Variants in DNAAF9 observed in about 807,000 individuals in gnomAD.
DNAAF9 encodes dynein axonemal assembly factor 9, also known as shulin.
DNAAF9 carries 90 observed loss-of-function variants against 167.0 expected under a neutral mutation model. The observed-to-expected ratio is 0.54, with a 90% CI of 0.45 to 0.64. The LOEUF (loss-of-function observed/expected upper bound fraction) is 0.64, where lower values mean the gene tolerates loss of function less well. DNAAF9 is among the 30% of genes least tolerant of loss of function. DNAAF9 has a pLI of 0.00. For missense variants in DNAAF9, 1,315 were observed against 1,442.2 expected (o/e 0.91, Z 1.43); for synonymous variants, 491 against 508.8 (o/e 0.96, Z 0.47).
intron 1 of DNAAF9, among the ~76,000 whole-genome samples, chr20:3,404,159 A>C (rs992603653): frequency 2.0e-5 from 3 of 152,204 alleles, no homozygotes; most frequent in Non-Finnish European, 4.4e-5. Flanking sequence ...GCTCCCGAGT[A>C]GCTGGGACTA....
Position 3,256,152 on chromosome 20 carries a change from G to C in DNAAF9, c.3115C>G (p.Pro1039Ala). ...NTLANSLSIMPVLEGPTPPPD... is the reference protein window; with the variant it reads ...NTLANSLSIMAVLEGPTPPPD... ...GGTGGTGTGGGTCCTTCCAAAACTG[G>C]CATGATGCTCAAGGAGTTGGCCAGT... The change falls in exon 34 of 37, where the codon CCA becomes GCA. Residue 1039 changes from proline (P) to alanine (A), a missense_variant. Coordinates refer to ENST00000252032, the MANE Select transcript of DNAAF9 (RefSeq NM_001009984.3). 1 of 1,614,196 alleles carries C rather than the reference G, an allele frequency of 6.2e-7. No homozygotes were observed. The highest frequency in any genetic ancestry group is 8.5e-7 in the Non-Finnish European group (1 of 1,180,028).
chr20:3,262,068 G>GT (rs1274233778), intron 31 of DNAAF9, among the ~76,000 whole-genome samples: 2 of 152,088 alleles, frequency 1.3e-5, no homozygotes, highest in Non-Finnish European at 2.9e-5. Flanking sequence ...TCTGACCCAC[G>GT]TGAGAGGGGA....
intron 20 of DNAAF9, among the ~76,000 whole-genome samples, chr20:3,309,754 G>C (rs923213796): frequency 5.1e-4 from 77 of 152,036 alleles, no homozygotes; most frequent in African/African-American, 1.7e-3. Flanking sequence ...GAATCACATA[G>C]GAAATGATTA....
At chr20:3,296,708 C>T in intron 23 of DNAAF9, 153 bp downstream of exon 23, 1 of 647,984 alleles carries the variant, frequency 1.5e-6, no homozygotes, top group Middle Eastern at 2.7e-4. Context: ...CCCCCAAGGG[C>T]ACCGGCTACC....
rs569264481 is a variant in DNAAF9 at position 3,325,809 on chromosome 20, A to T, written c.1188+388T>A. Among the ~76,000 whole-genome samples, 21 of 152,212 alleles carry T rather than the reference A, an allele frequency of 1.4e-4. No homozygotes were observed. In the East Asian group the frequency reaches 4.0e-3, roughly 29 times the overall value. On this transcript the variant is annotated intron_variant, in intron 13 of 36. Transcript: ENST00000252032. Reference sequence around the variant, plus strand: ...TAATCTTTAGCTATTTTTTTTAAACACTGAGTTATAGGAAATCAAACTTAC... The same window carrying T: ...TAATCTTTAGCTATTTTTTTTAAACTCTGAGTTATAGGAAATCAAACTTAC...
chr20:3,263,699 G>A (rs557288611), intron 31 of DNAAF9, among the ~76,000 whole-genome samples: 1 of 152,276 alleles, frequency 6.6e-6, no homozygotes, highest in East Asian at 1.9e-4. Flanking sequence ...GAGCCTTCTG[G>A]GGCAATGGAA....
chr20:3,346,133 G>C (rs1264986353), intron 8 of DNAAF9, among the ~76,000 whole-genome samples: 2 of 152,192 alleles, frequency 1.3e-5, no homozygotes, highest in Non-Finnish European at 2.9e-5. Context: ...TCATCTGTGA[G>C]ACTGAAAATT....
chr20:3,385,905 A>G (rs940079846), intron 1 of DNAAF9, among the ~76,000 whole-genome samples: 2 of 152,228 alleles, frequency 1.3e-5, no homozygotes, highest in African/African-American at 4.8e-5. Flanking sequence ...ACCTCAACAT[A>G]GTACTGATAT....
At chr20:3,353,530 A>C (rs1445112740) in intron 7 of DNAAF9, among the ~76,000 whole-genome samples, 1 of 151,482 alleles carries the variant, frequency 6.6e-6, no homozygotes, top group Non-Finnish European at 1.5e-5. Flanking sequence ...AGGGAAGCTG[A>C]GGTGGGAGAA....
At chr20:3,262,660 G>A (rs1340857201) in intron 31 of DNAAF9, among the ~76,000 whole-genome samples, 2 of 152,160 alleles carry the variant, frequency 1.3e-5, no homozygotes, top group Non-Finnish European at 2.9e-5. Context: ...GTAAGGACTG[G>A]AGAACAGCAC....
chr20:3,281,797 CA>C (rs1207534410), intron 27 of DNAAF9, 31 bp from the exon 28 acceptor site: 1 of 1,593,592 alleles, frequency 6.3e-7, no homozygotes, highest in Admixed American at 1.8e-5. Context: ...ATGATTAGTT[CA>C]CTGACTGGCA....
At chr20:3,396,709 A>C (rs1251534241) in intron 1 of DNAAF9, among the ~76,000 whole-genome samples, 2 of 152,162 alleles carry the variant, frequency 1.3e-5, no homozygotes, top group African/African-American at 2.4e-5. Flanking sequence ...AGTGTCACTG[A>C]GCCGGTATGG....
chr20:3,294,867 C>A lies in DNAAF9; in HGVS notation c.2019-238G>T, dbSNP rs547991520. ...GAGTTTCTGATTCTCGGTGATTTCA[C>A]CTCTCCTTTTTTTTTTGAGATGGAG... On this transcript the variant is annotated intron_variant, in intron 23 of 36. Transcript: ENST00000252032. Among the ~76,000 whole-genome samples, 66 of 151,974 alleles carry A rather than the reference C, an allele frequency of 4.3e-4. No individual in the cohort carries two copies. In the South Asian group the frequency reaches 0.01, roughly 23 times the overall value.
chr20:3,336,258 G>GTTTTTTTTTTTTTT (rs367718705), intron 10 of DNAAF9, among the ~76,000 whole-genome samples: 3 of 113,560 alleles, frequency 2.6e-5, no homozygotes, highest in Non-Finnish European at 3.5e-5. Flanking sequence ...TTGCGTTTTT[G>GTTTTTTTTTTTTTT]TTTTTTTTTT....
At chr20:3,291,813 C>T (rs901084992) in intron 25 of DNAAF9, among the ~76,000 whole-genome samples, 1 of 152,060 alleles carries the variant, frequency 6.6e-6, no homozygotes, top group Admixed American at 6.6e-5. Context: ...GTCTCTTGTT[C>T]CCTCTGACCA....
rs978736414 is a variant in DNAAF9, at chr20:3,326,275, C to T, written c.1110G>A (p.Leu370=). The change falls in exon 13 of 37, where the codon TTG becomes TTA. Residue 370 remains leucine (L), a synonymous_variant. Transcript: ENST00000252032. Reference sequence around the variant, plus strand: ...CAATAACAGCAGCATATATCTGGGACAATAGCCTACTTTAAAAACAAAAAA... The same window carrying T: ...CAATAACAGCAGCATATATCTGGGATAATAGCCTACTTTAAAAACAAAAAA... ...LPKKTEQIRL[L]SQIYAAVIEA... is the part of the protein sequence containing the mutation. 7.4e-6 allele frequency: 12 copies of T among 1,610,830 alleles called. No homozygotes were observed. In the African/African-American group the frequency reaches 1.2e-4, roughly 16 times the overall value.
intron 12 of DNAAF9, among the ~76,000 whole-genome samples, chr20:3,327,443 G>C (rs1441913374): frequency 6.6e-6 from 1 of 152,102 alleles, no homozygotes; most frequent in African/African-American, 2.4e-5. Flanking sequence ...AGGAGGTGCA[G>C]GCTCTTCTTA....
intron 21 of DNAAF9, among the ~76,000 whole-genome samples, chr20:3,301,808 G>A (rs2069194367): frequency 6.6e-6 from 1 of 151,896 alleles, no homozygotes; most frequent in Admixed American, 6.6e-5. Context: ...CCTGAACTGG[G>A]ACTCAGTGTT....
intron 27 of DNAAF9, among the ~76,000 whole-genome samples, chr20:3,284,669 C>T (rs953381341): frequency 2.0e-5 from 3 of 152,144 alleles, no homozygotes; most frequent in African/African-American, 4.8e-5. Flanking sequence ...CTCCTTTGGG[C>T]TCAGTTTTAT....
Sources: gnomAD v4.1 joint callset for allele counts (sites outside exome capture counted in the v4.1 genomes callset) on GRCh38, gnomAD v4.1.1 for gene constraint, MANE v1.5 for transcripts, NCBI Gene and HGNC (gene_info 2026-07-23, HGNC 2026-07-21) for gene names.